MAST2: variants seen among roughly 807,000 people sequenced by gnomAD.
MAST2 encodes microtubule-associated serine/threonine-protein kinase 2.
A neutral mutation model predicts 147.4 loss-of-function variants in MAST2; 70 were observed. The ratio of observed to expected loss-of-function variants is 0.47; its 90% CI spans 0.39 to 0.58. The LOEUF is 0.58. MAST2 is among the 20% of genes least tolerant of loss of function. MAST2 has a pLI of 0.00. For synonymous variants in MAST2, 869 were observed against 896.8 expected (o/e 0.97, Z 0.55); for missense variants, 2,080 against 2,302.3 (o/e 0.90, Z 1.98).
At chr1:45,990,354 G>GT (rs1465153025) in intron 5 of MAST2, among the ~76,000 whole-genome samples, 1 of 152,126 alleles carries the variant, frequency 6.6e-6, no homozygotes, top group African/African-American at 2.4e-5. Flanking sequence ...TGAGGTGGCT[G>GT]TTCAGATCTT....
Position 46,023,527 on chromosome 1 carries a change from C to T in MAST2, c.1571+209C>T, listed in dbSNP as rs1646276329. 2 of 621,744 alleles carry T rather than the reference C, an allele frequency of 3.2e-6. No individual in the cohort carries two copies. Among genetic ancestry groups the T allele is most frequent in the East Asian group, 2.7e-5 (1 of 36,490 alleles). 38.5% of individuals were successfully genotyped at this position (621,744 alleles called of 1,614,324 possible). A position where few individuals can be genotyped will look rare whatever the true frequency, so the allele number is the denominator to read the frequency against. ...CCAGACAAGATTCCCACGCCTCTTA[C>T]TACCACGCATCCTCCATTCCCTGAG... is the stretch of plus-strand genomic sequence containing the variant. On this transcript the variant is annotated intron_variant, in intron 14 of 28. Transcript: ENST00000361297. This position sits in a 1 kb window ranked among gnomAD's most constrained non-coding sequence, Gnocchi z 4.9.
At chr1:45,916,845 G>A (rs377359559) in intron 4 of MAST2, among the ~76,000 whole-genome samples, 6 of 152,260 alleles carry the variant, frequency 3.9e-5, no homozygotes, top group African/African-American at 7.2e-5. Flanking sequence ...TTAGGAGGCC[G>A]AGGCGGGTGG....
chr1:45,944,459 CATTATG>C (rs1297544129), intron 4 of MAST2, among the ~76,000 whole-genome samples: 3 of 152,090 alleles, frequency 2.0e-5, no homozygotes, highest in Non-Finnish European at 4.4e-5. Context: ...AGTCATTGTG[CATTATG>C]ATTATGTCTG....
rs780201232 is a variant in MAST2, at chr1:46,035,306, C to T, written c.4637C>T (p.Pro1546Leu). The T allele has an allele frequency of 6.2e-7, 1 of 1,613,982 alleles. No individual in the cohort carries two copies. Among genetic ancestry groups the T allele is most frequent in the African/African-American group, 1.3e-5 (1 of 75,016 alleles). The stretch of plus-strand genomic sequence containing the variant: ...GCAGGAGAGAGTGGGGAAGAGGATC[C>T]TTTCCCGTCCAGAGACCCTAGGAGC... Reference protein sequence around the residue: ...KGAGESGEEDPFPSRDPRSLG... With the variant: ...KGAGESGEEDLFPSRDPRSLG... The change falls in exon 29 of 29, where the codon CCT (proline) becomes CTT (leucine). Residue 1546 changes from proline (P) to leucine (L), a missense_variant. Pro to Leu is a moderately conservative substitution (Grantham distance 98). Coordinates refer to ENST00000361297, the MANE Select transcript of MAST2 (RefSeq NM_015112.3). The surrounding 1 kb of genome is among the most constrained non-coding windows in gnomAD (Gnocchi z 5.5).
chr1:45,908,236 T>C (rs917155941), intron 4 of MAST2, among the ~76,000 whole-genome samples: 1 of 152,214 alleles, frequency 6.6e-6, no homozygotes, highest in Non-Finnish European at 1.5e-5. Context: ...CTGGGATACA[T>C]GTGCAGAACG....
intron 8 of MAST2, among the ~76,000 whole-genome samples, chr1:46,007,818 C>T (rs1645549555): frequency 6.6e-6 from 1 of 152,152 alleles, no homozygotes; most frequent in Non-Finnish European, 1.5e-5. Flanking sequence ...TCTGGACTGG[C>T]CTCATTCATC....
At chr1:45,995,450 TGA>T (rs36096604) in intron 5 of MAST2, among the ~76,000 whole-genome samples, 67,801 of 151,982 alleles carry the variant, frequency 0.45, 15,320 homozygotes, top group East Asian at 0.63. Flanking sequence ...GAAGGAGCCA[TGA>T]GACCAAAGAA....
At chr1:45,825,787 A>T (rs1644773171) in intron 2 of MAST2, among the ~76,000 whole-genome samples, 1 of 151,694 alleles carries the variant, frequency 6.6e-6, no homozygotes, top group African/African-American at 2.4e-5. Context: ...TTTTTTATTT[A>T]AAAATGTGGC....
At chr1:45,885,940 G>T (rs1429287059) in intron 4 of MAST2, among the ~76,000 whole-genome samples, 1 of 152,026 alleles carries the variant, frequency 6.6e-6, no homozygotes, top group East Asian at 1.9e-4. Context: ...TGTTTCTGTG[G>T]GGGTGAGGGT....
Position 46,034,524 on chromosome 1 carries a change from G to A in MAST2, c.3869-14G>A. The A allele has an allele frequency of 1.2e-6, 2 of 1,608,362 alleles. No homozygotes were observed. Among genetic ancestry groups the A allele is most frequent in the Non-Finnish European group, 1.7e-6 (2 of 1,176,638 alleles). ...TCTGCTTTTGTCTGTCTGTCTGTCTGTCTCTGTACAAAGTGGGAGGGAATT... is the reference window on the plus strand; with the variant it reads ...TCTGCTTTTGTCTGTCTGTCTGTCTATCTCTGTACAAAGTGGGAGGGAATT... On this transcript the variant is annotated splice_polypyrimidine_tract_variant and intron_variant, in intron 28 of 28. Transcript: ENST00000361297.
intron 4 of MAST2, among the ~76,000 whole-genome samples, chr1:45,955,412 A>C (rs1659517017): frequency 6.6e-6 from 1 of 152,180 alleles, no homozygotes; most frequent in African/African-American, 2.4e-5. Context: ...ATATTATTTT[A>C]AAAGTTTTAA....
chr1:45,905,497 G>C (rs1009635339), intron 4 of MAST2, among the ~76,000 whole-genome samples: 1 of 152,126 alleles, frequency 6.6e-6, no homozygotes, highest in Admixed American at 6.5e-5. Flanking sequence ...TGAAAGAGCC[G>C]GCTGTGCGCG....
chr1:45,831,562 G>C (rs2147828770), intron 3 of MAST2, among the ~76,000 whole-genome samples: 1 of 152,062 alleles, frequency 6.6e-6, no homozygotes, highest in Non-Finnish European at 1.5e-5. Context: ...TAGACAGAAT[G>C]GTACAGTGAA....
chr1:45,831,270 CAG>C (rs1644948812), intron 3 of MAST2, among the ~76,000 whole-genome samples: 1 of 151,764 alleles, frequency 6.6e-6, no homozygotes, highest in South Asian at 2.1e-4. Flanking sequence ...GGTACAATAA[CAG>C]AAACTTGTTA....
Position 46,030,204 on chromosome 1 carries a change from G to T in MAST2, c.2519G>T (p.Arg840Leu), listed in dbSNP as rs771373233. 6.2e-7 allele frequency: 1 copy of T among 1,614,034 alleles called. No individual in the cohort carries two copies. Among genetic ancestry groups the T allele is most frequent in the Non-Finnish European group, 8.5e-7 (1 of 1,180,012 alleles). ...AGTGAGGATGGCTGCCTTGAGATCC[G>T]CCAGTTCTCTTCCTGCTCTCCAAGG... ...EVSEDGCLEI[R>L]QFSSCSPRFN... The change falls in exon 21 of 29, where the codon CGC (arginine) becomes CTC (leucine). Residue 840 changes from arginine (R) to leucine (L), a missense_variant. Physicochemically the swap from Arg to Leu is moderately radical, Grantham distance 102. This residue lies in a region of MAST2 where 1,278 missense variants were observed against 1,304.2 expected (regional missense o/e 0.98). Transcript: ENST00000361297.
chr1:45,958,105 C>T (rs1478937874), intron 4 of MAST2, among the ~76,000 whole-genome samples: 1 of 152,038 alleles, frequency 6.6e-6, no homozygotes, highest in African/African-American at 2.4e-5. Flanking sequence ...GAAGGCATTC[C>T]ATGGTGACTG....
intron 4 of MAST2, among the ~76,000 whole-genome samples, chr1:45,902,928 A>G (rs1229367931): frequency 1.3e-5 from 2 of 151,802 alleles, no homozygotes; most frequent in Non-Finnish European, 2.9e-5. Flanking sequence ...GAAATAACCC[A>G]CTTTTTGTTT....
chr1:45,893,650 GGCAGA>G (rs1324580692), intron 4 of MAST2, among the ~76,000 whole-genome samples: 3 of 151,304 alleles, frequency 2.0e-5, no homozygotes, highest in Non-Finnish European at 4.4e-5. Flanking sequence ...CCTAAAATCT[GGCAGA>G]GTTCTGTCAG....
In MAST2 at chr1:45,900,761, G is replaced by A. The variant is rs1649630191; in HGVS notation, c.500+18366G>A. Among the ~76,000 whole-genome samples the A allele has an allele frequency of 2.8e-4, 2 of 7,196 alleles. 1 individual carries two copies. The highest frequency in any genetic ancestry group is 3.3e-3 in the African/African-American group (2 of 606). 4.7% of individuals were successfully genotyped at this position (7,196 alleles called of 152,430 possible). ...ATTACAGGCGTGAGCCACCGCGCCC[G>A]GCCGATGTTGGATATTTTTTTCATG... On this transcript the variant is annotated intron_variant, in intron 4 of 28. Transcript: ENST00000361297.
Sources: allele counts gnomAD v4.1 joint callset (sites outside exome capture counted in the v4.1 genomes callset), GRCh38; gene constraint gnomAD v4.1.1; regional missense constraint gnomAD v4.1.1; non-coding constraint Gnocchi (gnomAD v3.1); transcripts MANE v1.5; gene names NCBI Gene and HGNC (gene_info 2026-07-23, HGNC 2026-07-21).